Variants in USP37 observed in about 807,000 individuals in gnomAD.
USP37 encodes ubiquitin specific peptidase 37.
Under a neutral mutation model 124.0 loss-of-function variants are expected in USP37, and 27 were observed. The ratio of observed to expected loss-of-function variants is 0.22; its 90% CI spans 0.16 to 0.30. USP37 has a LOEUF of 0.30. Ranked by LOEUF, USP37 falls within the 10% of genes least tolerant of loss-of-function variation. USP37 has a pLI of 1.00. For missense variants in USP37, 889 were observed against 1,140.4 expected, an observed-to-expected ratio of 0.78 and a Z score of 3.17; for synonymous variants, 365 against 388.0, an observed-to-expected ratio of 0.94 and a Z score of 0.70.
chr2:218,534,784 AACATTT>A (rs1363406240), intron 8 of USP37, 78 bp from the exon 9 acceptor site: 2 of 948,024 alleles, frequency 2.1e-6, no homozygotes, highest in Admixed American at 2.9e-5. Context: ...TTGTCATTAA[AACATTT>A]ACATTTAAAG....
intron 9 of USP37, among the ~76,000 whole-genome samples, chr2:218,531,330 T>C (rs1691307714): frequency 6.6e-6 from 1 of 152,212 alleles, no homozygotes; most frequent in South Asian, 2.1e-4. Context: ...GCTCTAGAAA[T>C]GGAACAACGA....
At chr2:218,507,889 C>A (rs1689764003) in intron 11 of USP37, among the ~76,000 whole-genome samples, 1 of 152,170 alleles carries the variant, frequency 6.6e-6, no homozygotes, top group Non-Finnish European at 1.5e-5. Context: ...CTGCAAACTA[C>A]CAAGATCCAG....
intron 10 of USP37, among the ~76,000 whole-genome samples, chr2:218,524,818 C>T (rs111683081): frequency 0.024 from 3,661 of 152,266 alleles, 147 homozygotes; most frequent in African/African-American, 0.084. Context: ...CCATGTTGGC[C>T]AGGCTGGTCT....
chr2:218,456,805 A>C (rs543276482), intron 24 of USP37, among the ~76,000 whole-genome samples: 2 of 152,096 alleles, frequency 1.3e-5, no homozygotes, highest in East Asian at 3.9e-4. Flanking sequence ...CCCCATCTCT[A>C]CTAAAAATGC....
At chr2:218,497,946 T>C in intron 12 of USP37, 80 bp downstream of exon 12, 2 of 1,570,488 alleles carry the variant, frequency 1.3e-6, no homozygotes, top group Non-Finnish European at 1.7e-6. Context: ...GCACAGAAAA[T>C]TTTTGAGTGT....
At chr2:218,473,869 G>A (rs1413865569) in intron 20 of USP37, among the ~76,000 whole-genome samples, 1 of 152,114 alleles carries the variant, frequency 6.6e-6, no homozygotes, top group African/African-American at 2.4e-5. Context: ...GAACATCTTC[G>A]AGTATATTCA....
chr2:218,484,108 G>A (rs1033367438), intron 16 of USP37, among the ~76,000 whole-genome samples: 4 of 151,806 alleles, frequency 2.6e-5, no homozygotes, highest in Non-Finnish European at 4.4e-5. Context: ...GCAGTGAGCC[G>A]AGATCATGCC....
intron 19 of USP37, among the ~76,000 whole-genome samples, chr2:218,475,357 C>T (rs1690912079): frequency 6.6e-6 from 1 of 152,204 alleles, no homozygotes; most frequent in Admixed American, 6.5e-5. Flanking sequence ...GTGGCTCACG[C>T]CTGTAATCCC....
intron 18 of USP37, among the ~76,000 whole-genome samples, chr2:218,478,506 T>C (rs1420455125): frequency 6.6e-6 from 1 of 152,206 alleles, no homozygotes; most frequent in Admixed American, 6.5e-5. Context: ...TTAAGTTTGA[T>C]CGGCATGACA....
chr2:218,534,849 C>T lies in USP37; in HGVS notation c.681-143G>A, dbSNP rs1353041405. 4 of 436,218 alleles carry T rather than the reference C, an allele frequency of 9.2e-6. No individual in the cohort carries two copies. The Admixed American group carries it at 1.3e-4, about 14-fold the overall frequency. The allele number at this position is 436,218 out of a possible 1,614,324, so 27.0% of individuals were successfully genotyped here. ...AAAATTAAGCTACAAGATTGTTAGT[C>T]TCAAAAGGTCAATGACTTAAACAAA... On this transcript the variant is annotated intron_variant, in intron 8 of 25. Coordinates refer to ENST00000258399, the MANE Select transcript of USP37 (RefSeq NM_020935.3).
chr2:218,534,744 T>A, intron 8 of USP37, 38 bp from the exon 9 acceptor site: 1 of 1,344,688 alleles, frequency 7.4e-7, no homozygotes, highest in Non-Finnish European at 1.0e-6. Flanking sequence ...AGTACAGGTG[T>A]ATAAAAATAT....
Position 218,488,345 on chromosome 2 carries a change from G to A in USP37, c.1549C>T (p.Pro517Ser), listed in dbSNP as rs1288505463. Residue 517 changes from proline to serine, a missense_variant, in exon 15 of 26, where the codon CCT becomes TCT. Pro to Ser is a moderately conservative substitution (Grantham distance 74). Coordinates refer to ENST00000258399, the MANE Select transcript of USP37 (RefSeq NM_020935.3). ...IDLPRRKKPL[P>S]PRSIQDSLDL... ...AGAGAATCTTGAATTGAACGAGGAG[G>A]GAGTGGTTTTTTCCTACGAGGAAGG... 1.2e-6 allele frequency: 2 copies of A among 1,612,538 alleles called. No homozygotes were observed. The highest frequency in any genetic ancestry group is 2.7e-5 in the African/African-American group (2 of 74,862).
At position 218,476,958 on chromosome 2, in the gene USP37, C is replaced by T; in HGVS notation, c.1925G>A (p.Ser642Asn). 1 of 1,520,802 alleles carries T rather than the reference C, an allele frequency of 6.6e-7. No individual in the cohort carries two copies. The highest frequency in any genetic ancestry group is 8.8e-7 in the Non-Finnish European group (1 of 1,137,408). 94.2% of individuals were successfully genotyped at this position (1,520,802 alleles called of 1,614,324 possible). A position where few individuals can be genotyped will look rare whatever the true frequency, so the allele number is the denominator to read the frequency against. ...TGAATCAAGGCATAAAGCCAAGGAG[C>T]TCTTGGATTTGAAGGTGAATTTCCT... ...PSKKFTFKSK[S>N]SLALCLDSDS... Residue 642 changes from serine (S) to asparagine (N), a missense_variant, in exon 19 of 26, where the codon AGC becomes AAC. Physicochemically the swap from Ser to Asn is conservative, Grantham distance 46. Transcript: ENST00000258399.
chr2:218,546,034 A>G (rs941489405), intron 8 of USP37, among the ~76,000 whole-genome samples, 187 bp downstream of exon 8: 1 of 152,202 alleles, frequency 6.6e-6, no homozygotes, highest in African/African-American at 2.4e-5. Flanking sequence ...GACCAAAGCA[A>G]TAGCACTGGC....
rs1458347087 is a variant in USP37, at chr2:218,451,564, A to G, written c.*3366T>C. The G allele has an allele frequency of 4.3e-5, 1 of 23,122 alleles. No individual in the cohort carries two copies. Among genetic ancestry groups the G allele is most frequent in the Non-Finnish European group, 8.4e-5 (1 of 11,966 alleles). 1.4% of individuals were successfully genotyped at this position (23,122 alleles called of 1,614,324 possible). ...CTCTTTAATTTAGGTGTTTGCAGAT[A>G]ATTTTCATTATATCCGTAGCTGTAT... On this transcript the variant is annotated 3_prime_UTR_variant, in exon 26 of 26. Transcript: ENST00000258399.
intron 8 of USP37, among the ~76,000 whole-genome samples, chr2:218,543,258 T>A (rs1466863618): frequency 6.6e-6 from 1 of 151,988 alleles, no homozygotes; most frequent in Non-Finnish European, 1.5e-5. Flanking sequence ...TCCCAGCACC[T>A]TGCGAGGCCG....
At chr2:218,553,116 T>C (rs1692758003) in intron 5 of USP37, among the ~76,000 whole-genome samples, 1 of 152,232 alleles carries the variant, frequency 6.6e-6, no homozygotes, top group African/African-American at 2.4e-5. Flanking sequence ...CTTCTAGTAC[T>C]ATGTTAAATA....
At chr2:218,532,756 A>G (rs1295835065) in intron 9 of USP37, among the ~76,000 whole-genome samples, 6 of 151,764 alleles carry the variant, frequency 4.0e-5, no homozygotes, top group Admixed American at 3.9e-4. Context: ...CGGCAAAACC[A>G]TGTCTCTACA....
At chr2:218,484,316 C>A (rs1691429285) in intron 16 of USP37, among the ~76,000 whole-genome samples, 1 of 151,930 alleles carries the variant, frequency 6.6e-6, no homozygotes, top group Admixed American at 6.6e-5. Context: ...TTTATAAAGT[C>A]ATTTCTTTAA....
Sources: gnomAD v4.1 joint callset for allele counts (sites outside exome capture counted in the v4.1 genomes callset) on GRCh38, gnomAD v4.1.1 for gene constraint, MANE v1.5 for transcripts, NCBI Gene and HGNC (gene_info 2026-07-23, HGNC 2026-07-21) for gene names.